Variants in GNLY observed in about 807,000 individuals in gnomAD.
The protein encoded by GNLY is T-cell activation protein 519.
Under a neutral mutation model 18.5 loss-of-function variants are expected in GNLY, and 15 were observed. The ratio of observed to expected loss-of-function variants is 0.81; its 90% CI spans 0.54 to 1.25. The LOEUF (loss-of-function observed/expected upper bound fraction) is 1.25. GNLY is among the 50% of genes most tolerant of loss of function. The pLI is 0.00. For missense variants in GNLY, 178 were observed against 186.9 expected, an observed-to-expected ratio of 0.95 and a Z score of 0.28; for synonymous variants, 77 against 74.9, an observed-to-expected ratio of 1.03 and a Z score of -0.14.
At chr2:85,695,794 C>T (rs1361059246) in intron 2 of GNLY, among the ~76,000 whole-genome samples, 164 bp from the exon 3 acceptor site, 1 of 152,116 alleles carries the variant, frequency 6.6e-6, no homozygotes, top group Non-Finnish European at 1.5e-5. Context: ...AAAGGGTGGG[C>T]AGGGGCCAGG....
Position 85,698,730 on chromosome 2 carries a change from A to C in GNLY, c.*156A>C, listed in dbSNP as rs770781438. On this transcript the variant is annotated 3_prime_UTR_variant, in exon 5 of 5. Transcript: ENST00000263863. ...TCTGCTGTCCTCCCCTCTCACGAGA[A>C]TAAAGTGTCAAGCAAGATTTTAGCC... The C allele has an allele frequency of 6.5e-7, 1 of 1,548,070 alleles. No homozygotes were observed. Among genetic ancestry groups the C allele is most frequent in the African/African-American group, 1.4e-5 (1 of 73,336 alleles).
chr2:85,695,303 A>AGTCTGGTCTTCCTCAG lies in GNLY; in HGVS notation c.53-5_63dup, dbSNP rs765957140. ...CTTCCGCCTGCGGAGGGGAAGCTGA[A>AGTCTGGTCTTCCTCAG]GTCTGGTCTTCCTCAGGTCTGGTCT... On this transcript the variant is annotated splice_polypyrimidine_tract_variant and intron_variant, in intron 1 of 4. Coordinates refer to ENST00000263863, the MANE Select transcript of GNLY (RefSeq NM_006433.5). 1.7e-5 allele frequency: 27 copies of AGTCTGGTCTTCCTCAG among 1,551,252 alleles called. No individual in the cohort carries two copies. The highest frequency in any genetic ancestry group is 2.4e-5 in the Non-Finnish European group (27 of 1,122,604).
In GNLY at chr2:85,697,415, T is replaced by C. The variant is rs905590084; in HGVS notation, c.256-91T>C. On this transcript the variant is annotated intron_variant, in intron 3 of 4. Coordinates refer to ENST00000263863, the MANE Select transcript of GNLY (RefSeq NM_006433.5). ...GGTGCCAGCTCCTCGCACCCAGTACTCCCATTGCTAGGGCTGCTGGAACCT... is the reference window on the plus strand; with the variant it reads ...GGTGCCAGCTCCTCGCACCCAGTACCCCCATTGCTAGGGCTGCTGGAACCT... The C allele has an allele frequency of 3.6e-6, 4 of 1,123,500 alleles. No individual in the cohort carries two copies. In the African/African-American group the frequency reaches 6.1e-5, roughly 17 times the overall value. The allele number at this position is 1,123,500 out of a possible 1,614,324, so 69.6% of individuals were successfully genotyped here. A position where few individuals can be genotyped will look rare whatever the true frequency, so the allele number is the denominator to read the frequency against.
intron 4 of GNLY, 109 bp downstream of exon 4, chr2:85,697,786 G>A: frequency 1.3e-6 from 1 of 741,636 alleles, no homozygotes; most frequent in Non-Finnish European, 2.3e-6. Context: ...TTGGGAAAGT[G>A]TGGAGAATTG....
chr2:85,695,645 G>A (rs1209579838), intron 2 of GNLY, among the ~76,000 whole-genome samples: 1 of 152,198 alleles, frequency 6.6e-6, no homozygotes, highest in Non-Finnish European at 1.5e-5. Context: ...CACCCTCCAA[G>A]GAGCCTGGGG....
At chr2:85,696,365 G>A in intron 3 of GNLY, 2 of 305,660 alleles carry the variant, frequency 6.5e-6, no homozygotes, top group Non-Finnish European at 1.2e-5. Flanking sequence ...TGTGTCCAAG[G>A]CAGAGTTTGA....
chr2:85,697,018 C>G lies in GNLY; in HGVS notation c.256-488C>G, dbSNP rs1558588937. Reference sequence around the variant, plus strand: ...TGGCACTGCAGGCTCGCACTTAGCCCTGGATACCCAGATTCATCCTCCTCC... The same window carrying G: ...TGGCACTGCAGGCTCGCACTTAGCCGTGGATACCCAGATTCATCCTCCTCC... On this transcript the variant is annotated intron_variant, in intron 3 of 4. Transcript: ENST00000263863. The G allele has an allele frequency of 3.0e-5, 5 of 165,876 alleles. No individual in the cohort carries two copies. The South Asian group carries it at 7.7e-4, about 26-fold the overall frequency. 10.3% of individuals were successfully genotyped at this position (165,876 alleles called of 1,614,324 possible).
At chr2:85,694,545 T>G in intron 1 of GNLY, 75 bp downstream of exon 1, 2 of 1,471,328 alleles carry the variant, frequency 1.4e-6, no homozygotes, top group Non-Finnish European at 1.9e-6. Flanking sequence ...AACCTGGAGC[T>G]TGGACTCTGT....
intron 1 of GNLY, 189 bp downstream of exon 1, chr2:85,694,659 C>G: frequency 8.5e-7 from 1 of 1,180,156 alleles, no homozygotes; most frequent in Non-Finnish European, 1.2e-6. Flanking sequence ...CAGCCTGTCA[C>G]TGGCCTGGCC....
At position 85,698,616 on chromosome 2, in the gene GNLY, C is replaced by T. The variant is rs1186894464; in HGVS notation, c.*42C>T. ...CTGTGGAAGAAGCACAGGCTCCTGT[C>T]CTCAGATCCCGGGAACCTCAGCAAC... On this transcript the variant is annotated 3_prime_UTR_variant, in exon 5 of 5. Transcript: ENST00000263863. 3.1e-6 allele frequency: 5 copies of T among 1,613,448 alleles called. No individual in the cohort carries two copies. Among genetic ancestry groups the T allele is most frequent in the Non-Finnish European group, 4.2e-6 (5 of 1,179,702 alleles).
In GNLY at chr2:85,695,381, T is replaced by G. The variant is rs763150529; in HGVS notation, c.114T>G (p.Asp38Glu). 1 of 1,613,930 alleles carries G rather than the reference T, an allele frequency of 6.2e-7. No individual in the cohort carries two copies. Among genetic ancestry groups the G allele is most frequent in the East Asian group, 2.2e-5 (1 of 44,880 alleles). Residue 38 changes from aspartate to glutamate, a missense_variant, in exon 2 of 5, where the codon GAT becomes GAG. Transcript: ENST00000263863. Reference protein sequence around the residue: ...YYDLARAHLRDEEKSCPCLAQ... With the variant: ...YYDLARAHLREEEKSCPCLAQ... ...ACCTGGCAAGAGCCCACCTGCGTGA[T>G]GAGGAGAAATCCTGCCCGTGCCTGG... is the stretch of plus-strand genomic sequence containing the variant.
In GNLY at chr2:85,695,876, C is replaced by T. The variant is rs985936173; in HGVS notation, c.157-82C>T. 1.0e-4 allele frequency: 79 copies of T among 760,260 alleles called. No homozygotes were observed. The Admixed American group carries it at 1.7e-3, about 16-fold the overall frequency. 47.1% of individuals were successfully genotyped at this position (760,260 alleles called of 1,614,324 possible). A position where few individuals can be genotyped will look rare whatever the true frequency, so the allele number is the denominator to read the frequency against. On this transcript the variant is annotated intron_variant, in intron 2 of 4. Transcript: ENST00000263863. ...CGGACATTCCTGCCGGCCTCAGAAA[C>T]ACAAAGGGCCCCTTTCCTGGGCACT...
At chr2:85,694,919 T>C (rs751429073) in intron 1 of GNLY, 3 of 1,568,750 alleles carry the variant, frequency 1.9e-6, no homozygotes, top group Non-Finnish European at 2.6e-6. Flanking sequence ...CTCCCAGGCC[T>C]TGAGGTCAGT....
rs756491169 is a variant in GNLY at position 85,695,472 on chromosome 2, C to T, written c.156+49C>T. The T allele has an allele frequency of 9.6e-6, 11 of 1,140,668 alleles. No individual in the cohort carries two copies. In the East Asian group the frequency reaches 2.4e-4, roughly 25 times the overall value. 70.7% of individuals were successfully genotyped at this position (1,140,668 alleles called of 1,614,324 possible). On this transcript the variant is annotated intron_variant, in intron 2 of 4. Coordinates refer to ENST00000263863, the MANE Select transcript of GNLY (RefSeq NM_006433.5). ...CTGCCACAGTCCCTCTCCTTTCCCTCCTCCCTGGTGGCTCCTGGGGTGAGG... is the reference window on the plus strand; with the variant it reads ...CTGCCACAGTCCCTCTCCTTTCCCTTCTCCCTGGTGGCTCCTGGGGTGAGG...
rs1330358584 is a variant in GNLY, at chr2:85,698,486, C to T, written c.428-78C>T. The T allele has an allele frequency of 1.9e-6, 3 of 1,609,760 alleles. No individual in the cohort carries two copies. The African/African-American group carries it at 4.0e-5, about 21-fold the overall frequency. The stretch of plus-strand genomic sequence containing the variant: ...GGTCAGGTGGCTCTGGGACCTTAAG[C>T]AAGTAACATTCTGAGTGCCTGCTTC... On this transcript the variant is annotated intron_variant, in intron 4 of 4. Transcript: ENST00000263863.
rs1678409484 is a variant in GNLY at position 85,695,509 on chromosome 2, C to T, written c.156+86C>T. The T allele has an allele frequency of 6.4e-6, 5 of 786,980 alleles. No homozygotes were observed. In the Admixed American group the frequency reaches 1.0e-4, roughly 16 times the overall value. The allele number at this position is 786,980 out of a possible 1,614,324, so 48.7% of individuals were successfully genotyped here. On this transcript the variant is annotated intron_variant, in intron 2 of 4. Transcript: ENST00000263863. The stretch of plus-strand genomic sequence containing the variant: ...CTCCTGGGGTGAGGTCTGGAGCTCT[C>T]TAATGGTCAGGAGGTGGGAGTGGAG...
Position 85,697,606 on chromosome 2 carries a change from C to T in GNLY, c.356C>T (p.Thr119Ile), listed in dbSNP as rs11127. 603,879 of 1,611,704 alleles carry T rather than the reference C, an allele frequency of 0.37. 117,658 individuals are homozygous for T. The highest frequency in any genetic ancestry group is 0.58 in the East Asian group (26,188 of 44,846). The change falls in exon 4 of 5, where the codon ACC becomes ATC. Residue 119 changes from threonine to isoleucine, a missense_variant. Coordinates refer to ENST00000263863, the MANE Select transcript of GNLY (RefSeq NM_006433.5). ...ATGAGGAGGTATCAGTCTAGAGTTA[C>T]CCAGGGCCTCGTGGCCGGAGAAACT... is the stretch of plus-strand genomic sequence containing the variant. ...NFMRRYQSRV[T>I]QGLVAGETAQ...
chr2:85,695,190 T>A, intron 1 of GNLY, 130 bp from the exon 2 acceptor site: 2 of 815,990 alleles, frequency 2.5e-6, no homozygotes, highest in Non-Finnish European at 4.1e-6. Flanking sequence ...TGGACAGGTA[T>A]CCTGGCCCCC....
At chr2:85,696,455 A>G (rs894373353) in intron 3 of GNLY, 1 of 171,258 alleles carries the variant, frequency 5.8e-6, no homozygotes, top group African/African-American at 2.4e-5. Flanking sequence ...GCCTTGGGCA[A>G]GTCACTTCCA....
Sources: allele counts gnomAD v4.1 joint callset (sites outside exome capture counted in the v4.1 genomes callset), GRCh38; gene constraint gnomAD v4.1.1; transcripts MANE v1.5; gene names NCBI Gene and HGNC (gene_info 2026-07-23, HGNC 2026-07-21).